Variants in TMEM161B observed in about 807,000 individuals in gnomAD.
TMEM161B encodes the protein transmembrane protein 161B.
Under a neutral mutation model 61.8 loss-of-function variants are expected in TMEM161B, and 34 were observed. The observed-to-expected ratio is 0.55, with a 90% CI of 0.42 to 0.73. The LOEUF (loss-of-function observed/expected upper bound fraction) is 0.73. Ranked by LOEUF, TMEM161B falls within the 30% of genes least tolerant of loss-of-function variation. The pLI is 0.00. For missense variants in TMEM161B, 456 were observed against 558.5 expected (o/e 0.82, Z 1.85); for synonymous variants, 167 against 192.8 (o/e 0.87, Z 1.11).
chr5:88,265,274 C>T (rs1357009622), intron 1 of TMEM161B, among the ~76,000 whole-genome samples: 1 of 152,154 alleles, frequency 6.6e-6, no homozygotes, highest in Non-Finnish European at 1.5e-5. Flanking sequence ...CTACAGCAGT[C>T]CCCAACCTTT....
Position 88,220,663 on chromosome 5 carries a change from C to T in TMEM161B, c.346G>A (p.Val116Ile). ...TAGACTTCAGTTACTAGATACACAA[C>T]TGTAGCAGCCACTGTGAAATCCACC... ...WLVDFTVAAT[V>I]VYLVTEVYYN... Residue 116 changes from valine (V) to isoleucine (I), a missense_variant, in exon 5 of 12, where the codon GTT becomes ATT. This residue lies in a region of TMEM161B where 367 missense variants were observed against 427.3 expected (regional missense o/e 0.86). Coordinates refer to ENST00000296595, the MANE Select transcript of TMEM161B (RefSeq NM_153354.5). 6.6e-7 allele frequency: 1 copy of T among 1,516,718 alleles called. No homozygotes were observed. Among genetic ancestry groups the T allele is most frequent in the Admixed American group, 1.9e-5 (1 of 52,224 alleles). 94.0% of individuals were successfully genotyped at this position (1,516,718 alleles called of 1,614,324 possible).
intron 1 of TMEM161B, among the ~76,000 whole-genome samples, chr5:88,263,865 A>G (rs1756004169): frequency 6.6e-6 from 1 of 152,228 alleles, no homozygotes; most frequent in African/African-American, 2.4e-5. Context: ...CATTTTTTCA[A>G]TTAGGCCTCT....
intron 1 of TMEM161B, among the ~76,000 whole-genome samples, chr5:88,254,030 T>C (rs1032270372): frequency 5.3e-5 from 8 of 151,662 alleles, no homozygotes; most frequent in African/African-American, 1.9e-4. Flanking sequence ...AAGAGAGAAA[T>C]GTACATGCTT....
chr5:88,223,750 G>A (rs182538588), intron 4 of TMEM161B, among the ~76,000 whole-genome samples: 8 of 152,132 alleles, frequency 5.3e-5, no homozygotes, highest in East Asian at 1.9e-4. Flanking sequence ...TTAGCCAGGC[G>A]TGGTGGCAGG....
At chr5:88,244,704 T>C (rs1241776294) in intron 1 of TMEM161B, among the ~76,000 whole-genome samples, 1 of 151,358 alleles carries the variant, frequency 6.6e-6, no homozygotes, top group African/African-American at 2.4e-5. Flanking sequence ...TTGATAGGAA[T>C]AGCACTGAAT....
intron 1 of TMEM161B, among the ~76,000 whole-genome samples, chr5:88,245,264 C>A (rs1753428803): frequency 6.6e-6 from 1 of 151,840 alleles, no homozygotes; most frequent in African/African-American, 2.4e-5. Context: ...ATTTTTTACC[C>A]TTTTCTTTCA....
intron 1 of TMEM161B, 42 bp downstream of exon 1, chr5:88,268,679 T>A: frequency 6.2e-7 from 1 of 1,613,908 alleles, no homozygotes; most frequent in Non-Finnish European, 8.5e-7. Flanking sequence ...CCCGCCCTTT[T>A]CGCCCCACCG....
intron 1 of TMEM161B, among the ~76,000 whole-genome samples, chr5:88,251,481 G>A (rs1376592060): frequency 1.3e-5 from 2 of 152,034 alleles, no homozygotes; most frequent in East Asian, 3.9e-4. Flanking sequence ...TTCAACAGGG[G>A]GGATTAGTTT....
intron 1 of TMEM161B, chr5:88,250,849 G>C (rs1264782390): frequency 6.6e-6 from 1 of 152,190 alleles, no homozygotes; most frequent in Non-Finnish European, 1.5e-5. Context: ...GCACCCAGAA[G>C]GGCAGATCTT....
At position 88,195,864 on chromosome 5, in the gene TMEM161B, G is replaced by C. The variant is rs1301861742; in HGVS notation, c.*347C>G. On this transcript the variant is annotated 3_prime_UTR_variant, in exon 12 of 12. Transcript: ENST00000296595. ...CAACAGTACCATAAAACCATTAAAA[G>C]CAATCAATAACTAGAGTCATGTGAG... The C allele has an allele frequency of 9.7e-7, 1 of 1,031,118 alleles. No individual in the cohort carries two copies. Among genetic ancestry groups the C allele is most frequent in the African/African-American group, 1.7e-5 (1 of 57,790 alleles). 63.9% of individuals were successfully genotyped at this position (1,031,118 alleles called of 1,614,324 possible).
downstream of TMEM161B, among the ~76,000 whole-genome samples, chr5:88,193,441 T>G (rs958324780): frequency 3.3e-5 from 5 of 152,124 alleles, no homozygotes; most frequent in Admixed American, 2.6e-4. Context: ...AAGTACAAAC[T>G]CTTTTGTATT....
intron 1 of TMEM161B, among the ~76,000 whole-genome samples, chr5:88,260,886 T>G (rs1015171100): frequency 1.3e-5 from 2 of 152,206 alleles, no homozygotes; most frequent in African/African-American, 4.8e-5. Context: ...ATCTTATAGT[T>G]TATAGCCAAA....
rs1340209750 is a variant in TMEM161B at position 88,258,711 on chromosome 5, G to A, written c.3+10010C>T. ...TTGGCTTCAGTAACAGAACCTTGCTGTATGACTTTTTCTTTTAGAAAAAGA... is the reference window on the plus strand; with the variant it reads ...TTGGCTTCAGTAACAGAACCTTGCTATATGACTTTTTCTTTTAGAAAAAGA... On this transcript the variant is annotated intron_variant, in intron 1 of 11. Transcript: ENST00000296595. Among the ~76,000 whole-genome samples the A allele has an allele frequency of 2.0e-5, 3 of 152,078 alleles. No individual in the cohort carries two copies. In the South Asian group the frequency reaches 6.2e-4, roughly 31 times the overall value.
intron 4 of TMEM161B, among the ~76,000 whole-genome samples, chr5:88,222,823 T>C (rs1749249770): frequency 6.6e-6 from 1 of 152,208 alleles, no homozygotes; most frequent in African/African-American, 2.4e-5. Flanking sequence ...TCAAGTGTTA[T>C]ATTCCTTGTG....
At chr5:88,192,551 G>A (rs1301782517), downstream of TMEM161B, among the ~76,000 whole-genome samples, 3 of 152,092 alleles carry the variant, frequency 2.0e-5, no homozygotes, top group East Asian at 1.9e-4. Flanking sequence ...GGCACATAAC[G>A]AGCTCAGCTC....
At chr5:88,239,813 C>A (rs1019619772) in intron 2 of TMEM161B, among the ~76,000 whole-genome samples, 5 of 151,862 alleles carry the variant, frequency 3.3e-5, no homozygotes, top group African/African-American at 1.2e-4. Context: ...AATGGGATGA[C>A]CCTGAATGAA....
downstream of TMEM161B, among the ~76,000 whole-genome samples, chr5:88,190,718 CTA>C (rs1748729503): frequency 7.2e-5 from 11 of 152,154 alleles, no homozygotes. Flanking sequence ...TGTTGATATT[CTA>C]TGTCTTTTCT....
At chr5:88,236,396 T>C (rs1449796197) in intron 2 of TMEM161B, among the ~76,000 whole-genome samples, 1 of 152,092 alleles carries the variant, frequency 6.6e-6, no homozygotes, top group Non-Finnish European at 1.5e-5. Flanking sequence ...ACTATTCAAA[T>C]GTACAAAGAA....
In TMEM161B at chr5:88,197,343, C is replaced by T. The variant is rs1749830622; in HGVS notation, c.1186+326G>A. 2.0e-5 allele frequency among the ~76,000 whole-genome samples: 3 copies of T among 152,110 alleles called. No individual in the cohort carries two copies. The South Asian group carries it at 6.2e-4, about 31-fold the overall frequency. ...GCCTTGTAATAATTTAAATGTTAGG[C>T]AATAACAAAACCTTAAATCATCCTC... On this transcript the variant is annotated intron_variant, in intron 11 of 11. Transcript: ENST00000296595.
Sources: gnomAD v4.1 joint callset for allele counts (sites outside exome capture counted in the v4.1 genomes callset) on GRCh38, gnomAD v4.1.1 for gene constraint, gnomAD v4.1.1 regional missense constraint, MANE v1.5 for transcripts, NCBI Gene and HGNC (gene_info 2026-07-23, HGNC 2026-07-21) for gene names.